DGKD: variants seen among roughly 807,000 people sequenced by gnomAD.
DGKD encodes the protein diacylglycerol kinase delta.
In DGKD, 68 loss-of-function variants were observed where a neutral mutation model predicts 154.4. The ratio of observed to expected loss-of-function variants is 0.44; its 90% confidence interval spans 0.36 to 0.54. The LOEUF (loss-of-function observed/expected upper bound fraction) is 0.54. DGKD is among the 20% of genes least tolerant of loss of function. The pLI is 0.00. For synonymous variants in DGKD, 693 were observed against 638.0 expected (o/e 1.09, Z -1.30); for missense variants, 1,343 against 1,593.6 (o/e 0.84, Z 2.68).
chr2:233,442,693 C>G (rs1018108886), intron 10 of DGKD: 2 of 156,890 alleles, frequency 1.3e-5, no homozygotes, highest in African/African-American at 4.8e-5. Flanking sequence ...ACAACCTCTG[C>G]CTCCCCGGTT....
chr2:233,367,851 C>CTTTTTTTTTTTTTTTTT (rs66652929), intron 1 of DGKD, among the ~76,000 whole-genome samples: 1 of 124,060 alleles, frequency 8.1e-6, no homozygotes. Context: ...TTTTTTTTTT[C>CTTTTTTTTTTTTTTTTT]TTTTTTTTTT....
At position 233,450,947 on chromosome 2, in the gene DGKD, G is replaced by C. The variant is rs752451612; in HGVS notation, c.2064G>C (p.Leu688=). 6.2e-7 allele frequency: 1 copy of C among 1,607,976 alleles called. No homozygotes were observed. The highest frequency in any genetic ancestry group is 8.5e-7 in the Non-Finnish European group (1 of 1,174,828). Residue 688 remains leucine, a synonymous_variant, in exon 17 of 30, where the codon CTG becomes CTC. Coordinates refer to ENST00000264057, the MANE Select transcript of DGKD (RefSeq NM_152879.3). ...TGTCGAAATCTCCGTGTGAAAAGCT[G>C]ATCAGCAAAGGGAGTCTGTCCCTAG... ...RKVSKSPCEK[L]ISKGSLSLGS...
At chr2:233,384,079 C>T (rs1703039231) in intron 1 of DGKD, among the ~76,000 whole-genome samples, 1 of 152,098 alleles carries the variant, frequency 6.6e-6, no homozygotes, top group African/African-American at 2.4e-5. Context: ...ATTCCACGTT[C>T]ATAAAAAGAA....
intron 1 of DGKD, among the ~76,000 whole-genome samples, chr2:233,386,870 G>A (rs563001459): frequency 6.6e-6 from 1 of 152,346 alleles, no homozygotes; most frequent in South Asian, 2.1e-4. Flanking sequence ...GGTCGTGAGT[G>A]CAGCCAGTTC....
chr2:233,470,099 G>A lies in DGKD; in HGVS notation c.*639G>A, dbSNP rs2971873. 21,709 of 152,380 alleles carry A rather than the reference G, an allele frequency of 0.14. 1,748 individuals carry two copies. The highest frequency in any genetic ancestry group is 0.17 in the Non-Finnish European group (11,856 of 68,032). 9.4% of individuals were successfully genotyped at this position (152,380 alleles called of 1,614,324 possible). ...AGGCAGCGGGTGCTGTTTCCCAGGC[G>A]GGGAGCCCCTCCCTGGGTGTCACAG... On this transcript the variant is annotated 3_prime_UTR_variant, in exon 30 of 30. Coordinates refer to ENST00000264057, the MANE Select transcript of DGKD (RefSeq NM_152879.3).
intron 3 of DGKD, among the ~76,000 whole-genome samples, chr2:233,425,431 C>T (rs2125559861): frequency 6.6e-6 from 1 of 152,278 alleles, no homozygotes; most frequent in South Asian, 2.1e-4. Context: ...TCGTGATTTG[C>T]CCGCCTCAGC....
rs2124869386 is a variant in DGKD, at chr2:233,450,148, C to G, written c.2038+17C>G. On this transcript the variant is annotated intron_variant, in intron 16 of 29. Coordinates refer to ENST00000264057, the MANE Select transcript of DGKD (RefSeq NM_152879.3). Reference sequence around the variant, plus strand: ...AGCGCAAAGGTACTTGTGCCTCCACCTCCCTCTGCGCACCGTCGTGTGCTT... The same window carrying G: ...AGCGCAAAGGTACTTGTGCCTCCACGTCCCTCTGCGCACCGTCGTGTGCTT... The G allele has an allele frequency of 6.3e-7, 1 of 1,598,206 alleles. No homozygotes were observed. The highest frequency in any genetic ancestry group is 1.1e-5 in the South Asian group (1 of 89,292).
At chr2:233,402,617 C>T (rs1254780560) in intron 3 of DGKD, among the ~76,000 whole-genome samples, 1 of 152,190 alleles carries the variant, frequency 6.6e-6, no homozygotes, top group Non-Finnish European at 1.5e-5. Flanking sequence ...GTGGGCCAGG[C>T]TCCCCCTTTT....
chr2:233,362,170 C>G (rs576668786), intron 1 of DGKD, among the ~76,000 whole-genome samples: 1 of 152,174 alleles, frequency 6.6e-6, no homozygotes, highest in South Asian at 2.1e-4. Flanking sequence ...GCAGATTAGA[C>G]CCAGGCTGAA....
At chr2:233,436,474 G>GA (rs755949466) in intron 7 of DGKD, 33 bp downstream of exon 7, 1 of 1,601,940 alleles carries the variant, frequency 6.2e-7, no homozygotes, top group Admixed American at 1.7e-5. Flanking sequence ...GGCTGGAGGG[G>GA]AGGGCTTGCT....
At chr2:233,429,110 T>C (rs1248005679) in intron 3 of DGKD, 4 of 985,070 alleles carry the variant, frequency 4.1e-6, no homozygotes, top group East Asian at 2.3e-4. Flanking sequence ...TCTCCTTCAG[T>C]GTGTGGGTCA....
chr2:233,448,927 A>G (rs532161555), intron 14 of DGKD, among the ~76,000 whole-genome samples, 176 bp from the exon 15 acceptor site: 4 of 152,334 alleles, frequency 2.6e-5, no homozygotes, highest in Admixed American at 2.6e-4. Flanking sequence ...AGGGCGGGAA[A>G]GGTGGGGATT....
chr2:233,377,887 C>T (rs534576889), intron 1 of DGKD, among the ~76,000 whole-genome samples: 28 of 152,246 alleles, frequency 1.8e-4, no homozygotes, highest in South Asian at 1.4e-3. Context: ...CACAGCTCAC[C>T]GCAGCAGCCT....
intron 1 of DGKD, among the ~76,000 whole-genome samples, chr2:233,374,270 C>A (rs1180873957): frequency 6.6e-6 from 1 of 152,042 alleles, no homozygotes; most frequent in Non-Finnish European, 1.5e-5. Context: ...AGGCTGATTA[C>A]GAACTCCTGA....
rs754093994 is a variant in DGKD, at chr2:233,449,305, G to C, written c.1817G>C (p.Arg606Pro). 6.2e-7 allele frequency: 1 copy of C among 1,613,038 alleles called. No individual in the cohort carries two copies. The highest frequency in any genetic ancestry group is 8.5e-7 in the Non-Finnish European group (1 of 1,179,298). Residue 606 changes from arginine to proline, a missense_variant, in exon 15 of 30, where the codon CGA becomes CCA. By Grantham distance (103) the Arg-to-Pro change is moderately radical. Coordinates refer to ENST00000264057, the MANE Select transcript of DGKD (RefSeq NM_152879.3). The surrounding 1 kb of genome is among the most constrained non-coding windows in gnomAD (Gnocchi z 5.3). ...CPARPQIFRP[R>P]EQLMLRANSL... ...GCCCGGCCGCAGATATTCCGGCCTC[G>C]AGAACAGCTCATGCTGAGAGCCAAC...
chr2:233,384,452 G>A (rs1703065285), intron 1 of DGKD, among the ~76,000 whole-genome samples: 1 of 152,058 alleles, frequency 6.6e-6, no homozygotes, highest in Admixed American at 6.5e-5. Context: ...GGCATCTCCT[G>A]TGTTAAAACT....
intron 3 of DGKD, among the ~76,000 whole-genome samples, chr2:233,411,619 T>G (rs1020890904): frequency 6.6e-6 from 1 of 152,242 alleles, no homozygotes; most frequent in African/African-American, 2.4e-5. Context: ...TTTCTCAGTC[T>G]GTGGCTTGTG....
At chr2:233,360,702 G>C (rs2125374528) in intron 1 of DGKD, among the ~76,000 whole-genome samples, 1 of 152,318 alleles carries the variant, frequency 6.6e-6, no homozygotes, top group Admixed American at 6.5e-5. Flanking sequence ...TAAAGATTTT[G>C]AGAGTAAATC....
In DGKD at chr2:233,438,216, G is replaced by A; in HGVS notation, c.923-1G>A. ...TTTCTTCTGTTCGTTCTTGCGTCCAGGGTTCTGGAAGGCCAGCTGTCCTCC... is the reference window on the plus strand; with the variant it reads ...TTTCTTCTGTTCGTTCTTGCGTCCAAGGTTCTGGAAGGCCAGCTGTCCTCC... On this transcript the variant is annotated splice_acceptor_variant, in intron 8 of 29. Transcript: ENST00000264057. LOFTEE classifies it high-confidence loss of function. The surrounding 1 kb of genome is among the most constrained non-coding windows in gnomAD (Gnocchi z 4.1). 1 of 1,613,794 alleles carries A rather than the reference G, an allele frequency of 6.2e-7. No individual in the cohort carries two copies. Among genetic ancestry groups the A allele is most frequent in the Non-Finnish European group, 8.5e-7 (1 of 1,179,862 alleles).
Sources: gnomAD v4.1 joint callset for allele counts (sites outside exome capture counted in the v4.1 genomes callset) on GRCh38, gnomAD v4.1.1 for gene constraint, Gnocchi (gnomAD v3.1) non-coding constraint, MANE v1.5 for transcripts, NCBI Gene and HGNC (gene_info 2026-07-23, HGNC 2026-07-21) for gene names.